The following BANK1 variants were observed in gnomAD, a reference collection of about 807,000 sequenced individuals.
The protein encoded by BANK1 is B cell scaffold protein with ankyrin repeats 1, also known as B-cell scaffold protein with ankyrin repeats.
BANK1 carries 95 observed loss-of-function variants against 94.5 expected under a neutral mutation model. That is an observed-to-expected ratio of 1.00 (90% CI 0.85 to 1.19). The LOEUF (loss-of-function observed/expected upper bound fraction) is 1.19, where lower values mean the gene tolerates loss of function less well. Among genes scored for constraint, BANK1 ranks in the 50% most tolerant of loss-of-function variants. The pLI is 0.00. For synonymous variants in BANK1, 334 were observed against 308.4 expected (o/e 1.08, Z -0.87); for missense variants, 987 against 932.2 (o/e 1.06, Z -0.77).
chr4:101,791,747 T>G (rs2148846607), intron 1 of BANK1, among the ~76,000 whole-genome samples: 1 of 152,328 alleles, frequency 6.6e-6, no homozygotes, highest in South Asian at 2.1e-4. Flanking sequence ...AATAAATTTC[T>G]CATACCTTTC....
At chr4:101,937,117 C>A (rs1437392219) in intron 7 of BANK1, among the ~76,000 whole-genome samples, 3 of 151,600 alleles carry the variant, frequency 2.0e-5, no homozygotes, top group African/African-American at 7.3e-5. Context: ...TACTATTCAG[C>A]CATAAAAAAG....
At chr4:101,853,270 A>C (rs900688778) in intron 2 of BANK1, among the ~76,000 whole-genome samples, 2 of 152,204 alleles carry the variant, frequency 1.3e-5, no homozygotes, top group African/African-American at 4.8e-5. Context: ...GCGTGGAGAC[A>C]GCTCCTCCCT....
intron 7 of BANK1, among the ~76,000 whole-genome samples, chr4:101,968,329 G>A (rs1390569788): frequency 2.0e-5 from 3 of 152,038 alleles, no homozygotes; most frequent in Non-Finnish European, 4.4e-5. Flanking sequence ...CTGTTAAACA[G>A]CCACAGGACA....
At chr4:101,853,891 T>G (rs967620396) in intron 2 of BANK1, among the ~76,000 whole-genome samples, 1 of 152,140 alleles carries the variant, frequency 6.6e-6, no homozygotes, top group Non-Finnish European at 1.5e-5. Context: ...CTAGCCAGGA[T>G]TTGCTCATTT....
intron 7 of BANK1, among the ~76,000 whole-genome samples, chr4:102,005,312 G>T (rs898353210): frequency 1.3e-5 from 2 of 151,912 alleles, no homozygotes; most frequent in Non-Finnish European, 2.9e-5. Context: ...ATAAGCATAT[G>T]ATAAATGATT....
At chr4:101,802,055 G>C (rs181519948) in intron 1 of BANK1, among the ~76,000 whole-genome samples, 1 of 152,254 alleles carries the variant, frequency 6.6e-6, no homozygotes, top group East Asian at 1.9e-4. Flanking sequence ...CAATATTTGG[G>C]CAGGAAAACA....
chr4:101,811,637 A>C (rs936812278), intron 1 of BANK1, among the ~76,000 whole-genome samples: 8 of 152,272 alleles, frequency 5.3e-5, no homozygotes, highest in African/African-American at 1.7e-4. Context: ...ATACATTTTA[A>C]AAATGCCAAA....
chr4:102,044,105 T>C (rs1208265816), intron 11 of BANK1, among the ~76,000 whole-genome samples, 198 bp downstream of exon 11: 1 of 152,148 alleles, frequency 6.6e-6, no homozygotes, highest in East Asian at 1.9e-4. Flanking sequence ...TATGTATACA[T>C]GTGCCATACT....
At chr4:101,805,651 G>C (rs967171639) in intron 1 of BANK1, among the ~76,000 whole-genome samples, 1 of 149,338 alleles carries the variant, frequency 6.7e-6, no homozygotes, top group Admixed American at 6.7e-5. Flanking sequence ...ATACAAATAA[G>C]TTTGTATATT....
chr4:101,803,636 T>C (rs1223774621), intron 1 of BANK1, among the ~76,000 whole-genome samples: 1 of 152,024 alleles, frequency 6.6e-6, no homozygotes, highest in Admixed American at 6.6e-5. Context: ...TTTCAATAAA[T>C]ATATTGGAAA....
At chr4:101,806,920 C>T (rs935694050) in intron 1 of BANK1, among the ~76,000 whole-genome samples, 2 of 152,194 alleles carry the variant, frequency 1.3e-5, no homozygotes, top group African/African-American at 4.8e-5. Flanking sequence ...TTGAACAGCT[C>T]TATTTCATTT....
chr4:101,847,742 C>T (rs1377734754), intron 2 of BANK1, among the ~76,000 whole-genome samples: 3 of 128,664 alleles, frequency 2.3e-5, no homozygotes, highest in African/African-American at 5.7e-5. Context: ...ATCATACACA[C>T]ACACACACAC....
intron 11 of BANK1, among the ~76,000 whole-genome samples, chr4:102,049,084 G>C (rs1354270938): frequency 6.6e-6 from 1 of 152,130 alleles, no homozygotes; most frequent in Non-Finnish European, 1.5e-5. Context: ...TTGAAGTCTG[G>C]CTTATGTTAT....
rs1727241116 is a variant in BANK1, at chr4:102,030,127, T to C, written c.1762T>C (p.Tyr588His). The change falls in exon 10 of 17, where the codon TAT (tyrosine) becomes CAT (histidine). Residue 588 changes from tyrosine (Y) to histidine (H), a missense_variant. Tyr to His is a moderately conservative substitution (Grantham distance 83). Transcript: ENST00000322953. ...TTTTGCTGAGATTGATGACAGTGAA[T>C]ATGACATGATATTGGCCAATCTGAG... ...YTFAEIDDSE[Y>H]DMILANLSIK... 1.2e-6 allele frequency: 2 copies of C among 1,613,824 alleles called. No homozygotes were observed. Among genetic ancestry groups the C allele is most frequent in the African/African-American group, 2.7e-5 (2 of 74,852 alleles).
intron 10 of BANK1, among the ~76,000 whole-genome samples, chr4:102,037,642 G>A (rs983855319): frequency 2.0e-5 from 3 of 152,164 alleles, no homozygotes; most frequent in African/African-American, 7.2e-5. Context: ...CAGATGGAAC[G>A]GAATTTTACT....
At chr4:101,845,640 C>G (rs1354599570) in intron 2 of BANK1, among the ~76,000 whole-genome samples, 2 of 152,142 alleles carry the variant, frequency 1.3e-5, no homozygotes, top group Non-Finnish European at 2.9e-5. Flanking sequence ...CATATAGCTG[C>G]CTCTGGGAAT....
At chr4:101,805,387 C>A (rs1578326998) in intron 1 of BANK1, among the ~76,000 whole-genome samples, 1 of 151,966 alleles carries the variant, frequency 6.6e-6, no homozygotes, top group South Asian at 2.1e-4. Flanking sequence ...AGGTGGGATG[C>A]TCTTTAAAGA....
chr4:102,073,528 T>G (rs991511807), intron 15 of BANK1, among the ~76,000 whole-genome samples, 156 bp from the exon 16 acceptor site: 2 of 152,068 alleles, frequency 1.3e-5, no homozygotes, highest in Non-Finnish European at 2.9e-5. Flanking sequence ...TGATTCTGTT[T>G]CCTTTTAAAA....
At chr4:101,943,632 C>T (rs1298060449) in intron 7 of BANK1, among the ~76,000 whole-genome samples, 2 of 151,792 alleles carry the variant, frequency 1.3e-5, no homozygotes, top group African/African-American at 4.8e-5. Context: ...AGTTGAAATA[C>T]TTATTTCATA....
Sources: gnomAD v4.1 joint callset for allele counts (sites outside exome capture counted in the v4.1 genomes callset) on GRCh38, gnomAD v4.1.1 for gene constraint, MANE v1.5 for transcripts, NCBI Gene and HGNC (gene_info 2026-07-23, HGNC 2026-07-21) for gene names.